Variants in PTPRF observed in about 807,000 individuals in gnomAD.
PTPRF encodes receptor-type tyrosine-protein phosphatase F.
PTPRF carries 59 observed loss-of-function variants against 201.8 expected under a neutral mutation model. The observed-to-expected ratio is 0.29, with a 90% CI of 0.24 to 0.36. The LOEUF (loss-of-function observed/expected upper bound fraction) is 0.36, where lower values mean the gene tolerates loss of function less well. Among genes scored for constraint, PTPRF ranks in the 10% least tolerant of loss-of-function variants. The pLI, the probability that PTPRF is intolerant of heterozygous loss-of-function variation, is 1.00. For missense variants in PTPRF, 2,132 were observed against 2,690.5 expected (o/e 0.79, Z 4.59); for synonymous variants, 1,088 against 1,089.7 (o/e 1.00, Z 0.03).
intron 5 of PTPRF, among the ~76,000 whole-genome samples, chr1:43,560,723 G>A (rs902207285): frequency 3.3e-5 from 5 of 152,332 alleles, no homozygotes; most frequent in Admixed American, 6.5e-5. Flanking sequence ...CTCAGCACCT[G>A]TTGTGGTCGA....
chr1:43,573,152 CT>C (rs1421103317), intron 6 of PTPRF, among the ~76,000 whole-genome samples: 1 of 152,126 alleles, frequency 6.6e-6, no homozygotes, highest in Non-Finnish European at 1.5e-5. Context: ...AAACCACCTC[CT>C]GGAGAATTGG....
intron 1 of PTPRF, among the ~76,000 whole-genome samples, chr1:43,532,013 C>G (rs867411836): frequency 2.6e-5 from 4 of 152,186 alleles, no homozygotes; most frequent in African/African-American, 9.7e-5. Context: ...TTCTTTCTCC[C>G]CAGGTCTCTC....
chr1:43,548,940 T>A (rs1644851662), intron 3 of PTPRF, among the ~76,000 whole-genome samples: 2 of 152,206 alleles, frequency 1.3e-5, no homozygotes, highest in South Asian at 4.1e-4. Context: ...GCTGGACCCC[T>A]ACAGCCTCCC....
intron 6 of PTPRF, among the ~76,000 whole-genome samples, chr1:43,572,073 G>A (rs1248311026): frequency 4.6e-5 from 7 of 152,084 alleles, no homozygotes; most frequent in Admixed American, 2.6e-4. Flanking sequence ...GCCCACCTCC[G>A]GCCCTCTGCT....
rs997836103 is a variant in PTPRF at position 43,538,255 on chromosome 1, C to G, written c.-68C>G. ...GTGCTGAGTATCCAGCAAGAGTGAC[C>G]GGGGTGAAGAAGCAAAGACTCGGTG... is the stretch of plus-strand genomic sequence containing the variant. On this transcript the variant is annotated 5_prime_UTR_variant, in exon 2 of 34. Coordinates refer to ENST00000359947, the MANE Select transcript of PTPRF (RefSeq NM_002840.5). 1.8e-5 allele frequency: 7 copies of G among 398,464 alleles called. No individual in the cohort carries two copies. The highest frequency in any genetic ancestry group is 1.4e-4 in the African/African-American group (7 of 48,578). 24.7% of individuals were successfully genotyped at this position (398,464 alleles called of 1,614,324 possible). A position where few individuals can be genotyped will look rare whatever the true frequency, so the allele number is the denominator to read the frequency against.
Position 43,604,026 on chromosome 1 carries a change from C to G in PTPRF, c.2874C>G (p.Ile958Met). Residue 958 changes from isoleucine (I) to methionine (M), a missense_variant, in exon 16 of 34, where the codon ATC becomes ATG. By Grantham distance (10) the Ile-to-Met change is conservative. Around this residue, in one of 6 missense-constraint regions of PTPRF, gnomAD observed 818 missense variants for 915.3 expected, o/e 0.89. Coordinates refer to ENST00000359947, the MANE Select transcript of PTPRF (RefSeq NM_002840.5). ...IISYTVVFRD[I>M]NSQQELQNIT... is the part of the protein sequence containing the mutation. ...GCTACACCGTGGTGTTCCGAGACAT[C>G]AACAGCCAACAGGAGCTGCAGAACA... is the stretch of plus-strand genomic sequence containing the variant. 6.2e-7 allele frequency: 1 copy of G among 1,614,230 alleles called. No individual in the cohort carries two copies. Among genetic ancestry groups the G allele is most frequent in the Non-Finnish European group, 8.5e-7 (1 of 1,180,048 alleles).
At position 43,603,637 on chromosome 1, in the gene PTPRF, A is replaced by T; in HGVS notation, c.2485A>T (p.Ser829Cys). Residue 829 changes from serine (S) to cysteine (C), a missense_variant, in exon 16 of 34, where the codon AGC (serine) becomes TGC (cysteine). This residue lies in a region of PTPRF where 818 missense variants were observed against 915.3 expected (regional missense o/e 0.89). Coordinates refer to ENST00000359947, the MANE Select transcript of PTPRF (RefSeq NM_002840.5). This position sits in a 1 kb window ranked among gnomAD's most constrained non-coding sequence, Gnocchi z 5.8. ...AVPGRPTMMI[S>C]TTAMNTALLQ... Reference sequence around the variant, plus strand: ...CCCAGGCCGGCCCACCATGATGATCAGCACCACGGCCATGAACACTGCGCT... The same window carrying T: ...CCCAGGCCGGCCCACCATGATGATCTGCACCACGGCCATGAACACTGCGCT... 1 of 1,613,404 alleles carries T rather than the reference A, an allele frequency of 6.2e-7. No homozygotes were observed. Among genetic ancestry groups the T allele is most frequent in the Non-Finnish European group, 8.5e-7 (1 of 1,179,856 alleles).
intron 25 of PTPRF, 62 bp downstream of exon 25, chr1:43,617,973 G>T (rs1658279550): frequency 6.6e-7 from 1 of 1,510,882 alleles, no homozygotes; most frequent in Admixed American, 1.9e-5. Flanking sequence ...GGTGATACAG[G>T]GCACCTTCTT....
At chr1:43,558,651 G>A (rs541977315) in intron 5 of PTPRF, among the ~76,000 whole-genome samples, 1 of 152,230 alleles carries the variant, frequency 6.6e-6, no homozygotes, top group South Asian at 2.1e-4. Context: ...AGCTCTTCTC[G>A]CTCCGCACTC....
chr1:43,609,921 C>T (rs1251140530), intron 22 of PTPRF, among the ~76,000 whole-genome samples: 1 of 152,214 alleles, frequency 6.6e-6, no homozygotes, highest in African/African-American at 2.4e-5. Context: ...GAAGTGCCTG[C>T]ACCTGAGCCT....
chr1:43,524,401 T>A (rs1643038241), upstream of PTPRF, among the ~76,000 whole-genome samples: 1 of 152,126 alleles, frequency 6.6e-6, no homozygotes, highest in Admixed American at 6.5e-5. Context: ...GGTTCACATG[T>A]GTAATCCCAG....
upstream of PTPRF, among the ~76,000 whole-genome samples, chr1:43,525,879 C>T (rs1335275724): frequency 2.8e-5 from 4 of 143,990 alleles, no homozygotes; most frequent in South Asian, 4.5e-4. Flanking sequence ...GGTTGGGGAG[C>T]GAGCAGGAGA....
chr1:43,546,844 C>A lies in PTPRF; in HGVS notation c.91+1678C>A, dbSNP rs1257819321. Among the ~76,000 whole-genome samples the A allele has an allele frequency of 6.6e-6, 1 of 152,166 alleles. No individual in the cohort carries two copies. Among genetic ancestry groups the A allele is most frequent in the Admixed American group, 6.5e-5 (1 of 15,278 alleles). On this transcript the variant is annotated intron_variant, in intron 3 of 33. Transcript: ENST00000359947. This position sits in a 1 kb window ranked among gnomAD's most constrained non-coding sequence, Gnocchi z 4.2. Reference sequence around the variant, plus strand: ...TCCAGCCTCCTCCCTCCGTGATATCCCACATCTAATCCATCACCAAGCTCC... The same window carrying A: ...TCCAGCCTCCTCCCTCCGTGATATCACACATCTAATCCATCACCAAGCTCC...
At chr1:43,533,025 A>G (rs1311101136) in intron 1 of PTPRF, among the ~76,000 whole-genome samples, 1 of 152,182 alleles carries the variant, frequency 6.6e-6, no homozygotes, top group Non-Finnish European at 1.5e-5. Context: ...GTATTTTTGT[A>G]TATGCACTTT....
At chr1:43,561,656 G>A (rs1187295153) in intron 5 of PTPRF, among the ~76,000 whole-genome samples, 1 of 152,150 alleles carries the variant, frequency 6.6e-6, no homozygotes, top group African/African-American at 2.4e-5. Flanking sequence ...TCTGTGACCT[G>A]TCCTTACACC....
In PTPRF at chr1:43,531,376, C is replaced by T. The variant is rs539236086; in HGVS notation, c.-126+286C>T. ...CGCCCCTCGCCGCCTCCCTCCCTCT[C>T]CACCGCACCTTAGCCGCAGCCCGCC... On this transcript the variant is annotated intron_variant, in intron 1 of 33. Transcript: ENST00000359947. 3.8e-4 allele frequency among the ~76,000 whole-genome samples: 56 copies of T among 148,634 alleles called. No individual in the cohort carries two copies. The East Asian group carries it at 0.011, about 28-fold the overall frequency.
At chr1:43,538,743 T>A (rs1644181705) in intron 2 of PTPRF, among the ~76,000 whole-genome samples, 1 of 152,208 alleles carries the variant, frequency 6.6e-6, no homozygotes, top group South Asian at 2.1e-4. Context: ...CCATCGACTG[T>A]AGGTTGTCGT....
chr1:43,602,109 G>A lies in PTPRF; in HGVS notation c.2340+12G>A, dbSNP rs764202193. ...AGTCCGAGGACTATGTAAGTAACAG[G>A]TGTGCGAACGCGGACAAGACATGGG... On this transcript the variant is annotated intron_variant, in intron 14 of 33. Transcript: ENST00000359947. The A allele has an allele frequency of 2.5e-6, 4 of 1,612,028 alleles. No individual in the cohort carries two copies. The highest frequency in any genetic ancestry group is 2.7e-5 in the African/African-American group (2 of 74,886).
intron 19 of PTPRF, 24 bp downstream of exon 19, chr1:43,605,646 A>G (rs760731124): frequency 1.3e-5 from 21 of 1,601,970 alleles, no homozygotes; most frequent in Non-Finnish European, 1.7e-5. Flanking sequence ...GGATGGGGAC[A>G]CTGACAGCCC....
Sources: gnomAD v4.1 joint callset for allele counts (sites outside exome capture counted in the v4.1 genomes callset) on GRCh38, gnomAD v4.1.1 for gene constraint, gnomAD v4.1.1 regional missense constraint, Gnocchi (gnomAD v3.1) non-coding constraint, MANE v1.5 for transcripts, NCBI Gene and HGNC (gene_info 2026-07-23, HGNC 2026-07-21) for gene names.